LRRIQ1: variants seen among roughly 807,000 people sequenced by gnomAD.
LRRIQ1 encodes the protein leucine rich repeats and IQ motif containing 1.
In LRRIQ1, 210 loss-of-function variants were observed where a neutral mutation model predicts 211.9. That is an observed-to-expected ratio of 0.99 (90% CI 0.89 to 1.11). The LOEUF (loss-of-function observed/expected upper bound fraction) is 1.11. Among genes scored for constraint, LRRIQ1 ranks in the 50% most tolerant of loss-of-function variants. The probability of loss-of-function intolerance (pLI) is 0.00; values close to 1 mark genes in which losing one functional copy is unlikely to be tolerated. For missense variants in LRRIQ1, 2,136 were observed against 1,939.5 expected, an observed-to-expected ratio of 1.10 and a Z score of -1.90; for synonymous variants, 699 against 650.1, an observed-to-expected ratio of 1.08 and a Z score of -1.14.
chr12:85,238,147 A>G (rs1593011452), intron 26 of LRRIQ1, among the ~76,000 whole-genome samples: 1 of 152,122 alleles, frequency 6.6e-6, no homozygotes, highest in East Asian at 1.9e-4. Flanking sequence ...TAATGGCTGG[A>G]CTTAATAAAT....
intron 24 of LRRIQ1, among the ~76,000 whole-genome samples, chr12:85,210,336 A>G (rs1893779531): frequency 6.6e-6 from 1 of 152,178 alleles, no homozygotes; most frequent in South Asian, 2.1e-4. Flanking sequence ...TTTCTTGCCA[A>G]TGCTTACGGA....
intron 1 of LRRIQ1, among the ~76,000 whole-genome samples, chr12:85,261,554 A>G (rs1340177728): frequency 6.8e-6 from 1 of 147,956 alleles, no homozygotes; most frequent in Admixed American, 6.8e-5. Context: ...AAAACATTCT[A>G]TTTTTTTTTT....
chr12:85,059,477 C>T (rs538024267), intron 8 of LRRIQ1, among the ~76,000 whole-genome samples: 82 of 152,040 alleles, frequency 5.4e-4, no homozygotes, highest in Non-Finnish European at 1.0e-3. Flanking sequence ...AGATGCAGCT[C>T]CCTGCCGTTG....
At position 85,055,987 on chromosome 12, in the gene LRRIQ1, T is replaced by C. The variant is rs1880997315; in HGVS notation, c.1194T>C (p.Ser398=). 2 of 1,609,968 alleles carry C rather than the reference T, an allele frequency of 1.2e-6. No homozygotes were observed. Among genetic ancestry groups the C allele is most frequent in the Non-Finnish European group, 8.5e-7 (1 of 1,178,342 alleles). ...CAAGCCAACAGCTAATAATAAGTAG[T>C]GCATTAAAGAAGAGCGGATATAATA... ...EDASQQLIIS[S]ALKKSGYNNK... The change falls in exon 8 of 27, where the codon AGT becomes AGC. Residue 398 remains serine (S), a synonymous_variant. Coordinates refer to ENST00000393217, the MANE Select transcript of LRRIQ1 (RefSeq NM_001079910.2).
chr12:85,128,994 A>G (rs977874017), intron 18 of LRRIQ1, among the ~76,000 whole-genome samples: 4 of 152,116 alleles, frequency 2.6e-5, no homozygotes, highest in African/African-American at 9.7e-5. Flanking sequence ...ACTTGTTGCT[A>G]GAAGAACTCA....
intron 16 of LRRIQ1, 122 bp downstream of exon 16, chr12:85,121,998 A>G: frequency 1.4e-6 from 1 of 719,478 alleles, no homozygotes; most frequent in Non-Finnish European, 2.0e-6. Context: ...TGTTTTGGGG[A>G]TATTCTACCT....
At chr12:85,091,830 G>A (rs541465441) in intron 11 of LRRIQ1, among the ~76,000 whole-genome samples, 3 of 152,296 alleles carry the variant, frequency 2.0e-5, no homozygotes, top group African/African-American at 7.2e-5. Flanking sequence ...TTATTTCTGA[G>A]TTCTGTATCC....
chr12:85,090,640 C>A (rs532512753), intron 11 of LRRIQ1, among the ~76,000 whole-genome samples: 8 of 152,272 alleles, frequency 5.3e-5, no homozygotes, highest in Non-Finnish European at 8.8e-5. Context: ...TGATTTCTCC[C>A]TTTTGGAATT....
intron 11 of LRRIQ1, among the ~76,000 whole-genome samples, chr12:85,093,764 C>A (rs1355853836): frequency 1.3e-5 from 2 of 152,158 alleles, no homozygotes; most frequent in African/African-American, 2.4e-5. Flanking sequence ...TTGGATGCAA[C>A]AAGTGAACAC....
At chr12:85,097,446 C>A in intron 11 of LRRIQ1, among the ~76,000 whole-genome samples, 1 of 148,142 alleles carries the variant, frequency 6.8e-6, no homozygotes, top group African/African-American at 2.5e-5. Context: ...GTGTGATGTT[C>A]CCCCCGCTGT....
In LRRIQ1 at chr12:85,217,608, GTGTATATATA is replaced by G. The variant is rs200254704; in HGVS notation, c.4823-11899_4823-11890del. Among the ~76,000 whole-genome samples the G allele has an allele frequency of 6.6e-3, 866 of 131,660 alleles. 16 individuals are homozygous for G. Among genetic ancestry groups the G allele is most frequent in the East Asian group, 0.025 (113 of 4,484 alleles). 86.4% of individuals were successfully genotyped at this position (131,660 alleles called of 152,430 possible). On this transcript the variant is annotated intron_variant, in intron 24 of 26. Coordinates refer to ENST00000393217, the MANE Select transcript of LRRIQ1 (RefSeq NM_001079910.2). ...TATATATATATGTATATATGTATAT[GTGTATATATA>G]TGTATATATGTATATATGTATATAT...
intron 24 of LRRIQ1, among the ~76,000 whole-genome samples, chr12:85,168,617 C>T (rs1891266207): frequency 6.6e-6 from 1 of 152,106 alleles, no homozygotes; most frequent in Non-Finnish European, 1.5e-5. Flanking sequence ...AGTGGTGCCA[C>T]TTCCAATTCC....
chr12:85,058,932 C>G (rs552551726), intron 8 of LRRIQ1, among the ~76,000 whole-genome samples: 1 of 151,940 alleles, frequency 6.6e-6, no homozygotes, highest in South Asian at 2.1e-4. Flanking sequence ...TTTAATTTAG[C>G]TTTGAAGCAT....
At chr12:85,054,760 A>AT (rs1238531095) in intron 7 of LRRIQ1, among the ~76,000 whole-genome samples, 5 of 151,498 alleles carry the variant, frequency 3.3e-5, no homozygotes, top group Non-Finnish European at 5.9e-5. Context: ...CTGTTTAAAT[A>AT]TTTTTTCTAA....
rs185407406 is a variant in LRRIQ1, at chr12:85,171,646, T to C, written c.4822+10932T>C. ...CATAGGTTGAAGCCTTGATGTCCAA[T>C]TTGACTGTATTTGGAGTTAGGAACT... On this transcript the variant is annotated intron_variant, in intron 24 of 26. Transcript: ENST00000393217. 4.5e-3 allele frequency among the ~76,000 whole-genome samples: 692 copies of C among 152,298 alleles called. 2 individuals are homozygous for C. Among genetic ancestry groups the C allele is most frequent in the Non-Finnish European group, 7.4e-3 (500 of 68,016 alleles).
chr12:85,137,748 C>A, intron 18 of LRRIQ1, 102 bp from the exon 19 acceptor site: 154 of 862,894 alleles, frequency 1.8e-4, no homozygotes, highest in Middle Eastern at 5.3e-4. Flanking sequence ...TGTCATTAAA[C>A]TTAGGTCTAA....
chr12:85,150,467 G>C (rs1027678956), intron 19 of LRRIQ1, among the ~76,000 whole-genome samples: 1 of 151,716 alleles, frequency 6.6e-6, no homozygotes, highest in African/African-American at 2.4e-5. Flanking sequence ...TGTCATTCAT[G>C]ATGAGCTAAA....
intron 24 of LRRIQ1, among the ~76,000 whole-genome samples, chr12:85,203,840 C>A (rs888084286): frequency 1.4e-4 from 21 of 152,010 alleles, no homozygotes; most frequent in African/African-American, 5.1e-4. Flanking sequence ...CCTGACAATG[C>A]AATAGAAAAG....
intron 18 of LRRIQ1, among the ~76,000 whole-genome samples, chr12:85,132,715 T>C (rs1302326875): frequency 1.3e-5 from 2 of 151,802 alleles, no homozygotes; most frequent in Non-Finnish European, 2.9e-5. Context: ...TGAGCCAGGA[T>C]TGCACCACTG....
Sources: gnomAD v4.1 joint callset for allele counts (sites outside exome capture counted in the v4.1 genomes callset) on GRCh38, gnomAD v4.1.1 for gene constraint, MANE v1.5 for transcripts, NCBI Gene and HGNC (gene_info 2026-07-23, HGNC 2026-07-21) for gene names.